The following CELF2 variants were observed in gnomAD, a reference collection of about 807,000 sequenced individuals.
CELF2 encodes CUG triplet repeat RNA-binding protein 2.
In CELF2, 8 loss-of-function variants were observed where a neutral mutation model predicts 62.6. That is an observed-to-expected ratio of 0.13 (90% CI 0.07 to 0.23). The LOEUF (loss-of-function observed/expected upper bound fraction) is 0.23. Among genes scored for constraint, CELF2 ranks in the 10% least tolerant of loss-of-function variants. The pLI is 1.00. For synonymous variants in CELF2, 258 were observed against 250.0 expected (o/e 1.03, Z -0.30); for missense variants, 333 against 671.0 (o/e 0.50, Z 5.56).
the CELF2 span, among the ~76,000 whole-genome samples, chr10:10,471,502 G>A: frequency 6.6e-6 from 1 of 151,442 alleles, no homozygotes; most frequent in Admixed American, 6.6e-5. Flanking sequence ...CTCTTTTCCT[G>A]AGTAGAATAT....
intron 2 of CELF2, among the ~76,000 whole-genome samples, chr10:11,202,280 G>A (rs2059392633): frequency 6.6e-6 from 1 of 152,046 alleles, no homozygotes; most frequent in Non-Finnish European, 1.5e-5. Flanking sequence ...TGAATCTTTG[G>A]GAAACCTACC....
At chr10:11,266,510 C>A in intron 5 of CELF2, 88 bp from the exon 6 acceptor site, 1 of 915,302 alleles carries the variant, frequency 1.1e-6, no homozygotes, top group South Asian at 1.4e-5. Context: ...TGGCAGTTCT[C>A]GTAGACTGTG....
chr10:10,519,986 T>C, the CELF2 span, among the ~76,000 whole-genome samples: 1 of 152,168 alleles, frequency 6.6e-6, no homozygotes, highest in African/African-American at 2.4e-5. Flanking sequence ...CTGCCCAGCC[T>C]CCCTTATTGC....
rs138057188 is a variant in CELF2 at position 11,185,700 on chromosome 10, C to T, written c.271+20018C>T. ...AAGTACTGGGATTACAAGCATGAGC[C>T]ACCATGCCTGGCTGGTCATAATGAT... On this transcript the variant is annotated intron_variant, in intron 2 of 12. Coordinates refer to ENST00000633077, the MANE Select transcript of CELF2 (RefSeq NM_001326342.2). Among the ~76,000 whole-genome samples, 698 of 152,316 alleles carry T rather than the reference C, an allele frequency of 4.6e-3. 6 individuals are homozygous for T. The highest frequency in any genetic ancestry group is 0.016 in the African/African-American group (666 of 41,560).
At position 11,316,445 on chromosome 10, in the gene CELF2, A is replaced by G. The variant is rs1489136088; in HGVS notation, c.1096+2187A>G. Among the ~76,000 whole-genome samples the G allele has an allele frequency of 6.6e-6, 1 of 152,256 alleles. No homozygotes were observed. The highest frequency in any genetic ancestry group is 1.5e-5 in the Non-Finnish European group (1 of 68,046). On this transcript the variant is annotated intron_variant, in intron 10 of 12. Transcript: ENST00000633077. This position sits in a 1 kb window ranked among gnomAD's most constrained non-coding sequence, Gnocchi z 4.4. ...TTGCTGCTTGTCTCTAAATATCAAC[A>G]GAAAACCTTCCAAGATAGAGTATCT...
intron 1 of CELF2, among the ~76,000 whole-genome samples, chr10:11,026,608 T>C (rs979703632): frequency 9.2e-5 from 14 of 152,242 alleles, no homozygotes; most frequent in African/African-American, 3.4e-4. Context: ...CTAGATTCAG[T>C]GTGGTCATAA....
At position 11,328,545 on chromosome 10, in the gene CELF2, C is replaced by G. The variant is rs2095874685; in HGVS notation, c.1439-381C>G. ...CCACAGCCCTGAAATATTTACACCA[C>G]TGCTTGTATGAGTAGCATGTATGGA... On this transcript the variant is annotated intron_variant, in intron 12 of 12. Transcript: ENST00000633077. The surrounding 1 kb of genome is among the most constrained non-coding windows in gnomAD (Gnocchi z 6.4). Among the ~76,000 whole-genome samples the G allele has an allele frequency of 6.6e-6, 1 of 152,216 alleles. No individual in the cohort carries two copies.
intron 1 of CELF2, among the ~76,000 whole-genome samples, chr10:11,080,333 A>AG (rs11435172): frequency 0.33 from 49,716 of 152,018 alleles, 8,831 homozygotes; most frequent in African/African-American, 0.43. Flanking sequence ...ATAATTTCTT[A>AG]TAAGCACCTA....
chr10:10,527,874 C>T, the CELF2 span, among the ~76,000 whole-genome samples: 1 of 152,218 alleles, frequency 6.6e-6, no homozygotes, highest in Non-Finnish European at 1.5e-5. Context: ...ATAATTCTAA[C>T]TCAAGTAAGC....
chr10:11,103,527 G>T, intron 1 of CELF2, among the ~76,000 whole-genome samples: 2 of 125,366 alleles, frequency 1.6e-5, no homozygotes, highest in African/African-American at 3.5e-5. Flanking sequence ...TCTGAAACCA[G>T]GTTATTTGAC....
rs1486118165 is a variant in CELF2, at chr10:11,285,736, T to C, written c.842-2682T>C. Among the ~76,000 whole-genome samples the C allele has an allele frequency of 6.6e-6, 1 of 152,174 alleles. No individual in the cohort carries two copies. Among genetic ancestry groups the C allele is most frequent in the Non-Finnish European group, 1.5e-5 (1 of 68,036 alleles). On this transcript the variant is annotated intron_variant, in intron 8 of 12. Coordinates refer to ENST00000633077, the MANE Select transcript of CELF2 (RefSeq NM_001326342.2). This position sits in a 1 kb window ranked among gnomAD's most constrained non-coding sequence, Gnocchi z 4.3. ...TTGGCTAGCTCTGTACAGACAATAC[T>C]CTTCAGAGCAATTTATGTAAATGTC...
At chr10:11,142,184 T>C (rs2061451406) in intron 1 of CELF2, among the ~76,000 whole-genome samples, 1 of 152,224 alleles carries the variant, frequency 6.6e-6, no homozygotes, top group Non-Finnish European at 1.5e-5. Flanking sequence ...GATCACTGTA[T>C]CTTGAATGAT....
chr10:10,627,874 G>A, the CELF2 span, among the ~76,000 whole-genome samples: 33 of 152,202 alleles, frequency 2.2e-4, no homozygotes, highest in Non-Finnish European at 7.4e-5. Flanking sequence ...CATATTATTT[G>A]GAACCATGCA....
intron 1 of CELF2, among the ~76,000 whole-genome samples, chr10:11,154,027 T>C (rs965566657): frequency 6.6e-6 from 1 of 152,194 alleles, no homozygotes; most frequent in Non-Finnish European, 1.5e-5. Context: ...TAGACAGATA[T>C]ATAAACACAT....
the CELF2 span, among the ~76,000 whole-genome samples, chr10:10,482,043 A>G: frequency 1.8e-3 from 270 of 152,356 alleles, no homozygotes; most frequent in Middle Eastern, 0.01. Flanking sequence ...AAGGGTTAGC[A>G]TGATAGAAAT....
chr10:10,643,281 G>C, the CELF2 span, among the ~76,000 whole-genome samples: 1 of 152,012 alleles, frequency 6.6e-6, no homozygotes, highest in African/African-American at 2.4e-5. Flanking sequence ...TGTATCATGG[G>C]AGGGACCCAG....
the CELF2 span, among the ~76,000 whole-genome samples, chr10:10,589,150 T>C: frequency 6.6e-6 from 1 of 152,170 alleles, no homozygotes; most frequent in Non-Finnish European, 1.5e-5. Context: ...GCAGGACAAC[T>C]GGAAGTGGGG....
chr10:10,794,027 T>C (rs1021823342), upstream of CELF2, among the ~76,000 whole-genome samples: 1 of 152,220 alleles, frequency 6.6e-6, no homozygotes, highest in Non-Finnish European at 1.5e-5. Context: ...GCCATACTTA[T>C]ACTAAAAAAT....
intron 1 of CELF2, among the ~76,000 whole-genome samples, chr10:11,120,870 T>G (rs2057607343): frequency 6.6e-6 from 1 of 152,208 alleles, no homozygotes; most frequent in Non-Finnish European, 1.5e-5. Context: ...AAATACTTTG[T>G]GAGTGCTCCT....
Sources: allele counts gnomAD v4.1 joint callset (sites outside exome capture counted in the v4.1 genomes callset), GRCh38; gene constraint gnomAD v4.1.1; non-coding constraint Gnocchi (gnomAD v3.1); transcripts MANE v1.5; gene names NCBI Gene and HGNC (gene_info 2026-07-23, HGNC 2026-07-21).